Variants in CFAP299 observed in about 807,000 individuals in gnomAD.
CFAP299 encodes cilia and flagella associated protein 299.
A neutral mutation model predicts 27.0 loss-of-function variants in CFAP299; 21 were observed. The ratio of observed to expected loss-of-function variants is 0.78; its 90% CI spans 0.55 to 1.12. The LOEUF is 1.12. CFAP299 is among the 50% of genes most tolerant of loss of function. The pLI is 0.00. For synonymous variants in CFAP299, 104 were observed against 98.1 expected, an observed-to-expected ratio of 1.06 and a Z score of -0.36; for missense variants, 310 against 276.6, an observed-to-expected ratio of 1.12 and a Z score of -0.86.
intron 3 of CFAP299, among the ~76,000 whole-genome samples, chr4:80,783,146 C>G (rs931725103): frequency 6.6e-6 from 1 of 152,086 alleles, no homozygotes; most frequent in Non-Finnish European, 1.5e-5. Context: ...TTATTTAAGG[C>G]AGCAAATCTC....
At position 80,693,356 on chromosome 4, in the gene CFAP299, A is replaced by G. The variant is rs532878216; in HGVS notation, c.333+110173A>G. Among the ~76,000 whole-genome samples the G allele has an allele frequency of 5.1e-3, 780 of 152,140 alleles. 3 individuals carry two copies. The highest frequency in any genetic ancestry group is 8.7e-3 in the Non-Finnish European group (590 of 68,010). ...ATGTGGCACATATACACCATGGAATACTATGCAGCCATAAAAAATGATGAG... is the reference window on the plus strand; with the variant it reads ...ATGTGGCACATATACACCATGGAATGCTATGCAGCCATAAAAAATGATGAG... On this transcript the variant is annotated intron_variant, in intron 3 of 5. Coordinates refer to ENST00000358105, the MANE Select transcript of CFAP299 (RefSeq NM_152770.3).
chr4:80,856,116 A>G (rs1174985132), intron 3 of CFAP299, among the ~76,000 whole-genome samples: 1 of 151,476 alleles, frequency 6.6e-6, no homozygotes, highest in Admixed American at 6.6e-5. Flanking sequence ...GTATGAGATG[A>G]TATCTCATTG....
intron 3 of CFAP299, among the ~76,000 whole-genome samples, chr4:80,773,133 A>G (rs1359940088): frequency 1.3e-5 from 2 of 152,144 alleles, no homozygotes; most frequent in Admixed American, 1.3e-4. Context: ...TATTTTATCT[A>G]TTGATGTTAT....
chr4:80,448,635 A>C (rs1728752883), intron 2 of CFAP299, among the ~76,000 whole-genome samples: 1 of 152,122 alleles, frequency 6.6e-6, no homozygotes, highest in Non-Finnish European at 1.5e-5. Context: ...AAATTGGTAC[A>C]ATCACCAGTA....
At chr4:80,874,295 A>C (rs975158571) in intron 4 of CFAP299, among the ~76,000 whole-genome samples, 1 of 152,210 alleles carries the variant, frequency 6.6e-6, no homozygotes, top group South Asian at 2.1e-4. Flanking sequence ...GCGAAAACCT[A>C]CTAACTAAAG....
At chr4:80,904,628 C>T (rs1347372182) in intron 4 of CFAP299, among the ~76,000 whole-genome samples, 3 of 151,848 alleles carry the variant, frequency 2.0e-5, no homozygotes, top group African/African-American at 7.3e-5. Flanking sequence ...AAAAAAGAGA[C>T]AAGGAAGATG....
At chr4:80,722,682 CG>C (rs1722901839) in intron 3 of CFAP299, among the ~76,000 whole-genome samples, 2 of 151,988 alleles carry the variant, frequency 1.3e-5, no homozygotes, top group Admixed American at 1.3e-4. Flanking sequence ...AGGCGGATCA[CG>C]AGGTCAGGAG....
intron 2 of CFAP299, among the ~76,000 whole-genome samples, chr4:80,382,722 G>C (rs965699194): frequency 6.6e-6 from 1 of 152,126 alleles, no homozygotes; most frequent in Non-Finnish European, 1.5e-5. Context: ...TACACCGTTG[G>C]GGGGACTGCA....
chr4:80,504,945 G>A (rs1731944572), intron 2 of CFAP299, among the ~76,000 whole-genome samples: 1 of 147,342 alleles, frequency 6.8e-6, no homozygotes. Context: ...TTGTAAAACA[G>A]GTAGAGTATA....
intron 1 of CFAP299, among the ~76,000 whole-genome samples, chr4:80,357,846 TA>T (rs1723349118): frequency 6.6e-6 from 1 of 152,302 alleles, no homozygotes; most frequent in East Asian, 1.9e-4. Context: ...AATTCAGTTC[TA>T]ATTTTGGTTA....
At chr4:80,589,981 C>A (rs1269250743) in intron 3 of CFAP299, among the ~76,000 whole-genome samples, 1 of 151,938 alleles carries the variant, frequency 6.6e-6, no homozygotes, top group African/African-American at 2.4e-5. Context: ...TAATTACAAG[C>A]CTGTAATTAT....
Position 80,677,791 on chromosome 4 carries a change from G to A in CFAP299, c.333+94608G>A, listed in dbSNP as rs569409451. Among the ~76,000 whole-genome samples the A allele has an allele frequency of 5.9e-5, 9 of 152,006 alleles. 1 individual carries two copies. Among genetic ancestry groups the A allele is most frequent in the Non-Finnish European group, 1.3e-4 (9 of 67,890 alleles). On this transcript the variant is annotated intron_variant, in intron 3 of 5. Transcript: ENST00000358105. The stretch of plus-strand genomic sequence containing the variant: ...TAGTGGTTGTAAAGTTTATTTTATA[G>A]CAGACACAAGAGTTAACTTTTGTCT...
Position 80,709,567 on chromosome 4 carries a change from A to G in CFAP299, c.333+126384A>G, listed in dbSNP as rs561825750. Among the ~76,000 whole-genome samples, 14 of 152,284 alleles carry G rather than the reference A, an allele frequency of 9.2e-5. No homozygotes were observed. The East Asian group carries it at 2.7e-3, about 29-fold the overall frequency. On this transcript the variant is annotated intron_variant, in intron 3 of 5. Transcript: ENST00000358105. ...CCCTTAGGAGTTCAGATGCTGGACA[A>G]TCTGATTCAGCAAAGGCTCACACTG...
chr4:80,611,951 A>G (rs1166596191), intron 3 of CFAP299, among the ~76,000 whole-genome samples: 1 of 152,086 alleles, frequency 6.6e-6, no homozygotes, highest in African/African-American at 2.4e-5. Context: ...TATTTTTGTA[A>G]ATTTTCTAAT....
chr4:80,923,649 G>C (rs1055985860), intron 4 of CFAP299, among the ~76,000 whole-genome samples: 1 of 152,018 alleles, frequency 6.6e-6, no homozygotes, highest in Non-Finnish European at 1.5e-5. Context: ...TATGGTGCTA[G>C]TATTTAATTA....
intron 2 of CFAP299, among the ~76,000 whole-genome samples, chr4:80,452,936 G>A (rs1394343779): frequency 4.6e-5 from 7 of 152,220 alleles, no homozygotes; most frequent in African/African-American, 9.6e-5. Flanking sequence ...AGAAATGGGA[G>A]TAAAAACAGA....
intron 3 of CFAP299, among the ~76,000 whole-genome samples, chr4:80,852,095 T>G (rs1376739799): frequency 6.6e-6 from 1 of 152,194 alleles, no homozygotes; most frequent in East Asian, 1.9e-4. Flanking sequence ...TAAACATTTT[T>G]GTATTGTACC....
Position 80,528,600 on chromosome 4 carries a change from A to G in CFAP299, c.243-54493A>G, listed in dbSNP as rs17004928. Among the ~76,000 whole-genome samples, 937 of 152,252 alleles carry G rather than the reference A, an allele frequency of 6.2e-3. 11 individuals carry two copies. The highest frequency in any genetic ancestry group is 0.021 in the African/African-American group (868 of 41,552). On this transcript the variant is annotated intron_variant, in intron 2 of 5. Transcript: ENST00000358105. The stretch of plus-strand genomic sequence containing the variant: ...TATATTGAAATGCTCATTACTTTCA[A>G]TGCCTTCAAATTGCTACCAATTTCT...
rs183822688 is a variant in CFAP299, at chr4:80,397,950, C to G, written c.242+35066C>G. 1.8e-4 allele frequency among the ~76,000 whole-genome samples: 28 copies of G among 152,260 alleles called. No individual in the cohort carries two copies. In the East Asian group the frequency reaches 5.4e-3, roughly 29 times the overall value. ...TATTTAGAAAACCCCATCATCTCAG[C>G]CCAAAATCTCCTTAAGCTCATAAGC... On this transcript the variant is annotated intron_variant, in intron 2 of 5. Transcript: ENST00000358105.
Sources: gnomAD v4.1 joint callset for allele counts (sites outside exome capture counted in the v4.1 genomes callset) on GRCh38, gnomAD v4.1.1 for gene constraint, MANE v1.5 for transcripts, NCBI Gene and HGNC (gene_info 2026-07-23, HGNC 2026-07-21) for gene names.